Variants in CNTN6 observed in about 807,000 individuals in gnomAD.
CNTN6 encodes the protein contactin-6.
CNTN6 carries 137 observed loss-of-function variants against 122.8 expected under a neutral mutation model. The observed-to-expected ratio is 1.12, with a 90% CI of 0.97 to 1.29. The LOEUF (loss-of-function observed/expected upper bound fraction) is 1.29. Among genes scored for constraint, CNTN6 ranks in the 50% most tolerant of loss-of-function variants. CNTN6 has a pLI of 0.00. For synonymous variants in CNTN6, 570 were observed against 426.0 expected, an observed-to-expected ratio of 1.34 and a Z score of -4.16; for missense variants, 1,634 against 1,223.4, an observed-to-expected ratio of 1.34 and a Z score of -5.01.
chr3:1,307,477 C>CCCCA (rs111554934), intron 7 of CNTN6, among the ~76,000 whole-genome samples: 6,408 of 151,746 alleles, frequency 0.042, 176 homozygotes, highest in Middle Eastern at 0.058. Flanking sequence ...TATAACCCCC[C>CCCCA]CACACACAAT....
Position 1,297,972 on chromosome 3 carries a change from G to T in CNTN6, c.742G>T (p.Glu248Ter), listed in dbSNP as rs1331530502. 1.2e-5 allele frequency: 19 copies of T among 1,609,144 alleles called. No individual in the cohort carries two copies. Among genetic ancestry groups the T allele is most frequent in the Non-Finnish European group, 1.6e-5 (19 of 1,178,438 alleles). The part of the protein sequence containing the change: ...QAAKDSSVKL[E>*]CFALGNPVPD... ...TGCAAAGGATTCATCTGTAAAACTG[G>T]AATGTTTTGCCCTTGGAAAGTAAGG... Residue 248 changes from glutamate (E) to a stop codon, truncating the protein, a stop_gained, in exon 7 of 23, where the codon GAA (glutamate) becomes TAA (stop). Coordinates refer to ENST00000446702, the MANE Select transcript of CNTN6 (RefSeq NM_001289080.2). LOFTEE classifies it high-confidence loss of function.
At chr3:1,336,676 G>A (rs369923443) in intron 11 of CNTN6, among the ~76,000 whole-genome samples, 4 of 152,232 alleles carry the variant, frequency 2.6e-5, no homozygotes, top group African/African-American at 9.6e-5. Context: ...CTTGGCAAAT[G>A]CATGTACCTT....
At chr3:1,330,877 T>C (rs1485586043) in intron 11 of CNTN6, among the ~76,000 whole-genome samples, 1 of 151,908 alleles carries the variant, frequency 6.6e-6, no homozygotes, top group Non-Finnish European at 1.5e-5. Flanking sequence ...TAGTCACAAC[T>C]CCAAATTCTG....
At chr3:1,330,538 A>G (rs1210133306) in intron 11 of CNTN6, among the ~76,000 whole-genome samples, 1 of 151,914 alleles carries the variant, frequency 6.6e-6, no homozygotes, top group East Asian at 1.9e-4. Flanking sequence ...CTTTTATTCT[A>G]TTGTACCGTA....
In CNTN6 at chr3:1,103,688, C is replaced by G. The variant is rs1402471401; in HGVS notation, c.-83+10568C>G. Among the ~76,000 whole-genome samples the G allele has an allele frequency of 2.0e-5, 3 of 152,278 alleles. No individual in the cohort carries two copies. The South Asian group carries it at 6.2e-4, about 32-fold the overall frequency. On this transcript the variant is annotated intron_variant, in intron 1 of 22. Coordinates refer to ENST00000446702, the MANE Select transcript of CNTN6 (RefSeq NM_001289080.2). The stretch of plus-strand genomic sequence containing the variant: ...AGCAGTTTTTAAGAAATTACACACA[C>G]AAGACACAATGCCTGAGCCAATTGC...
intron 17 of CNTN6, among the ~76,000 whole-genome samples, chr3:1,382,239 T>C (rs957742150): frequency 1.3e-5 from 2 of 152,208 alleles, no homozygotes; most frequent in African/African-American, 4.8e-5. Flanking sequence ...TTGCTAAGTT[T>C]ATGTGATTGT....
intron 5 of CNTN6, among the ~76,000 whole-genome samples, chr3:1,280,755 G>GGGCGCAGCAAAGGCTGAAATTTTA (rs1559696117): frequency 6.6e-6 from 1 of 151,836 alleles, no homozygotes; most frequent in Non-Finnish European, 1.5e-5. Flanking sequence ...ATGAGTCACC[G>GGGCGCAGCAAAGGCTGAAATTTTA]CACCTGGTCC....
intron 1 of CNTN6, among the ~76,000 whole-genome samples, chr3:1,107,848 G>A (rs1169857997): frequency 6.6e-6 from 1 of 152,010 alleles, no homozygotes; most frequent in Non-Finnish European, 1.5e-5. Flanking sequence ...CTTGCAAAGA[G>A]GTTACTGAAA....
intron 2 of CNTN6, among the ~76,000 whole-genome samples, chr3:1,216,210 A>G (rs989497418): frequency 9.9e-5 from 15 of 152,266 alleles, no homozygotes; most frequent in African/African-American, 3.1e-4. Context: ...GGTAAAAGAA[A>G]AAGATAAGAC....
chr3:1,250,021 G>C (rs2094638911), intron 4 of CNTN6, among the ~76,000 whole-genome samples: 1 of 152,018 alleles, frequency 6.6e-6, no homozygotes, highest in African/African-American at 2.4e-5. Flanking sequence ...TATTTAAAAA[G>C]GTGTAAAATG....
intron 1 of CNTN6, among the ~76,000 whole-genome samples, chr3:1,120,567 C>T (rs1316271763): frequency 6.6e-6 from 1 of 151,774 alleles, no homozygotes; most frequent in Non-Finnish European, 1.5e-5. Flanking sequence ...TAGACACAAC[C>T]TTCTATCAGA....
chr3:1,378,445 G>C (rs1710195258), intron 17 of CNTN6, among the ~76,000 whole-genome samples: 1 of 152,142 alleles, frequency 6.6e-6, no homozygotes, highest in South Asian at 2.1e-4. Flanking sequence ...TCAGAAACTA[G>C]ATGCAATTGC....
intron 12 of CNTN6, among the ~76,000 whole-genome samples, chr3:1,368,988 C>G (rs1439576402): frequency 6.6e-6 from 1 of 152,166 alleles, no homozygotes; most frequent in African/African-American, 2.4e-5. Context: ...TATCCTCCAG[C>G]TTCATCTTCT....
In CNTN6 at chr3:1,321,701, G is replaced by A. The variant is rs1700873537; in HGVS notation, c.813G>A (p.Gly271=). 1.2e-6 allele frequency: 2 copies of A among 1,611,724 alleles called. No individual in the cohort carries two copies. The highest frequency in any genetic ancestry group is 1.7e-6 in the Non-Finnish European group (2 of 1,178,522). ...GGTTGGACGGGAGCCCGTTGCCAGG[G>A]AAAGTCAAGTACAGCAAATCCCAAG... ...WRRLDGSPLP[G]KVKYSKSQAI... Residue 271 remains glycine, a synonymous_variant, in exon 8 of 23, where the codon GGG becomes GGA. Coordinates refer to ENST00000446702, the MANE Select transcript of CNTN6 (RefSeq NM_001289080.2).
At chr3:1,263,023 A>T (rs1222240584) in intron 4 of CNTN6, among the ~76,000 whole-genome samples, 1 of 152,148 alleles carries the variant, frequency 6.6e-6, no homozygotes, top group East Asian at 1.9e-4. Flanking sequence ...GGGCCATTTG[A>T]CATGTAGTTT....
At position 1,237,501 on chromosome 3, in the gene CNTN6, C is replaced by G. The variant is rs190698319; in HGVS notation, c.358+9508C>G. Among the ~76,000 whole-genome samples, 274 of 152,266 alleles carry G rather than the reference C, an allele frequency of 1.8e-3. 1 individual carries two copies. Among genetic ancestry groups the G allele is most frequent in the Non-Finnish European group, 3.2e-3 (216 of 68,010 alleles). On this transcript the variant is annotated intron_variant, in intron 4 of 22. Coordinates refer to ENST00000446702, the MANE Select transcript of CNTN6 (RefSeq NM_001289080.2). ...TGAGAGAATAATCCAGGAAAACTTC[C>G]TCAGCTTTGCTAGAGATCTAGACAT... is the stretch of plus-strand genomic sequence containing the variant.
chr3:1,154,618 T>A (rs182354396), intron 2 of CNTN6, among the ~76,000 whole-genome samples: 220 of 152,128 alleles, frequency 1.4e-3, no homozygotes, highest in African/African-American at 5.1e-3. Context: ...TAACTTTGTA[T>A]TTTTAGTAGA....
At chr3:1,214,851 G>A (rs1235487009) in intron 2 of CNTN6, among the ~76,000 whole-genome samples, 8 of 152,022 alleles carry the variant, frequency 5.3e-5, no homozygotes, top group Non-Finnish European at 7.4e-5. Flanking sequence ...CAAATCCCTG[G>A]GCTCAAGTGA....
intron 2 of CNTN6, among the ~76,000 whole-genome samples, chr3:1,155,465 TC>T (rs1202116242): frequency 4.0e-5 from 6 of 149,928 alleles, no homozygotes; most frequent in African/African-American, 1.5e-4. Flanking sequence ...TCACAATATA[TC>T]TTTTGGGCTT....
Sources: allele counts gnomAD v4.1 joint callset (sites outside exome capture counted in the v4.1 genomes callset), GRCh38; gene constraint gnomAD v4.1.1; transcripts MANE v1.5; gene names NCBI Gene and HGNC (gene_info 2026-07-23, HGNC 2026-07-21).